Variants in FAM219A observed in about 807,000 individuals in gnomAD.
FAM219A encodes the protein protein FAM219A.
Under a neutral mutation model 23.4 loss-of-function variants are expected in FAM219A, and 7 were observed. The observed-to-expected ratio is 0.30, with a 90% CI of 0.17 to 0.56. The LOEUF (loss-of-function observed/expected upper bound fraction) is 0.56, where lower values mean the gene tolerates loss of function less well. Among genes scored for constraint, FAM219A ranks in the 20% least tolerant of loss-of-function variants. FAM219A has a pLI of 0.92. For synonymous variants in FAM219A, 93 were observed against 99.0 expected, an observed-to-expected ratio of 0.94 and a Z score of 0.36; for missense variants, 166 against 246.9, an observed-to-expected ratio of 0.67 and a Z score of 2.20.
intron 1 of FAM219A, among the ~76,000 whole-genome samples, chr9:34,435,128 A>G (rs1822855580): frequency 1.3e-5 from 2 of 152,096 alleles, no homozygotes; most frequent in Admixed American, 1.3e-4. Context: ...GCCAGTGTTG[A>G]TGATTTTCTG....
intron 1 of FAM219A, among the ~76,000 whole-genome samples, chr9:34,420,422 A>C (rs1822221631): frequency 6.6e-6 from 1 of 152,134 alleles, no homozygotes; most frequent in African/African-American, 2.4e-5. Context: ...AGAGGGTTTA[A>C]AGCAACTACT....
At chr9:34,453,674 G>T (rs1334900822) in intron 1 of FAM219A, among the ~76,000 whole-genome samples, 2 of 152,284 alleles carry the variant, frequency 1.3e-5, no homozygotes, top group East Asian at 3.9e-4. Flanking sequence ...TTTCAGCTGT[G>T]CAGAGACCCT....
chr9:34,443,341 G>C (rs961941078), intron 1 of FAM219A, among the ~76,000 whole-genome samples: 5 of 152,116 alleles, frequency 3.3e-5, no homozygotes, highest in African/African-American at 1.2e-4. Flanking sequence ...ACGTCCCCCA[G>C]CCCAGCCCCA....
chr9:34,444,063 T>G (rs1588070917), intron 1 of FAM219A, among the ~76,000 whole-genome samples: 1 of 152,336 alleles, frequency 6.6e-6, no homozygotes, highest in East Asian at 1.9e-4. Flanking sequence ...TTATCCCCAC[T>G]TGGCCTTTCA....
At chr9:34,433,652 C>T (rs185399856) in intron 1 of FAM219A, among the ~76,000 whole-genome samples, 65 of 152,330 alleles carry the variant, frequency 4.3e-4, no homozygotes, top group Admixed American at 8.5e-4. Flanking sequence ...TCTGGCTGCT[C>T]CTCCAACTGC....
In FAM219A at chr9:34,458,373, C is replaced by G. The variant is rs539902881; in HGVS notation, c.-110G>C. On this transcript the variant is annotated 5_prime_UTR_variant, in exon 1 of 6. Transcript: ENST00000651358. The surrounding 1 kb of genome is among the most constrained non-coding windows in gnomAD (Gnocchi z 6.6). Reference sequence around the variant, plus strand: ...GCGGGTGGTGCAGACTAGGCCTCCCCGGACCACTCGGGCGGGCAGGGGCCG... The same window carrying G: ...GCGGGTGGTGCAGACTAGGCCTCCCGGGACCACTCGGGCGGGCAGGGGCCG... 693 of 731,702 alleles carry G rather than the reference C, an allele frequency of 9.5e-4. 2 individuals carry two copies. In the African/African-American group the frequency reaches 0.011, roughly 12 times the overall value. 45.3% of individuals were successfully genotyped at this position (731,702 alleles called of 1,614,324 possible).
At position 34,458,190 on chromosome 9, in the gene FAM219A, G is replaced by A; in HGVS notation, c.60+14C>T. 3.2e-6 allele frequency: 5 copies of A among 1,576,842 alleles called. No individual in the cohort carries two copies. Among genetic ancestry groups the A allele is most frequent in the African/African-American group, 1.4e-5 (1 of 73,512 alleles). ...CCCCTCCGGCCTTGGCCTGCCCGCCGCCCGCCCCCTCACCAGCGGCTGCAT... is the reference window on the plus strand; with the variant it reads ...CCCCTCCGGCCTTGGCCTGCCCGCCACCCGCCCCCTCACCAGCGGCTGCAT... On this transcript the variant is annotated intron_variant, in intron 1 of 5. Coordinates refer to ENST00000651358, the MANE Select transcript of FAM219A (RefSeq NM_001184940.2). The surrounding 1 kb of genome is among the most constrained non-coding windows in gnomAD (Gnocchi z 6.6).
At position 34,398,562 on chromosome 9, in the gene FAM219A, G is replaced by T; in HGVS notation, c.*2402C>A. Reference sequence around the variant, plus strand: ...CTGCCTCAGTTGGAAGCCCTTGCCTGCCAGGGAACTAGTATGTCCTGTGGG... The same window carrying T: ...CTGCCTCAGTTGGAAGCCCTTGCCTTCCAGGGAACTAGTATGTCCTGTGGG... On this transcript the variant is annotated 3_prime_UTR_variant, in exon 6 of 6. Coordinates refer to ENST00000651358, the MANE Select transcript of FAM219A (RefSeq NM_001184940.2). 1 of 613,632 alleles carries T rather than the reference G, an allele frequency of 1.6e-6. No individual in the cohort carries two copies. The highest frequency in any genetic ancestry group is 2.9e-6 in the Non-Finnish European group (1 of 349,562). The allele number at this position is 613,632 out of a possible 1,614,324, so 38.0% of individuals were successfully genotyped here.
intron 1 of FAM219A, among the ~76,000 whole-genome samples, chr9:34,446,668 C>T (rs1422725512): frequency 6.6e-6 from 1 of 152,216 alleles, no homozygotes; most frequent in Non-Finnish European, 1.5e-5. Flanking sequence ...TGAAGACTAT[C>T]CTCCTTTTCT....
chr9:34,448,922 C>T lies in FAM219A; in HGVS notation c.60+9282G>A, dbSNP rs151249641. ...TACACTGTTTGGGTGACAGGTGCAC[C>T]AAAATCTCAGAAATTACTACCAAAG... On this transcript the variant is annotated intron_variant, in intron 1 of 5. Transcript: ENST00000651358. 1.0e-4 allele frequency among the ~76,000 whole-genome samples: 15 copies of T among 146,904 alleles called. No homozygotes were observed. The East Asian group carries it at 2.8e-3, about 28-fold the overall frequency.
At chr9:34,414,597 A>G (rs1821933972) in intron 1 of FAM219A, among the ~76,000 whole-genome samples, 1 of 152,270 alleles carries the variant, frequency 6.6e-6, no homozygotes, top group Non-Finnish European at 1.5e-5. Context: ...AAGACTTCTT[A>G]TAGGGATAAG....
intron 1 of FAM219A, among the ~76,000 whole-genome samples, chr9:34,408,173 G>A (rs943735332): frequency 5.3e-5 from 8 of 152,350 alleles, no homozygotes; most frequent in South Asian, 2.1e-4. Flanking sequence ...GCTGGGTGCC[G>A]CAGTGCCTGC....
chr9:34,450,427 T>A (rs1421916541), intron 1 of FAM219A, among the ~76,000 whole-genome samples: 1 of 149,538 alleles, frequency 6.7e-6, no homozygotes, highest in Non-Finnish European at 1.5e-5. Context: ...CAATACATCT[T>A]TTTTTTTTTT....
intron 1 of FAM219A, among the ~76,000 whole-genome samples, chr9:34,435,799 G>A (rs1043785048): frequency 6.7e-6 from 1 of 149,806 alleles, no homozygotes; most frequent in Non-Finnish European, 1.5e-5. Context: ...CCTCCCTGAT[G>A]GAGGTTTAGA....
chr9:34,436,422 T>A (rs10972112), intron 1 of FAM219A, among the ~76,000 whole-genome samples: 27,566 of 151,528 alleles, frequency 0.18, 2,722 homozygotes, highest in East Asian at 0.34. Context: ...TAAAAAAAAA[T>A]TTTTGTAGAG....
At chr9:34,428,139 T>C (rs1415319197) in intron 1 of FAM219A, among the ~76,000 whole-genome samples, 1 of 152,160 alleles carries the variant, frequency 6.6e-6, no homozygotes, top group Non-Finnish European at 1.5e-5. Flanking sequence ...TGGAGGGAGA[T>C]AGGAGTGGGG....
chr9:34,423,499 A>T (rs1048620964), intron 1 of FAM219A, among the ~76,000 whole-genome samples: 9 of 152,228 alleles, frequency 5.9e-5, no homozygotes, highest in Non-Finnish European at 1.3e-4. Context: ...ATGTTAGGGG[A>T]CGAAGTGGCA....
At chr9:34,448,718 G>C (rs964289058) in intron 1 of FAM219A, among the ~76,000 whole-genome samples, 39 of 152,072 alleles carry the variant, frequency 2.6e-4, no homozygotes, top group Admixed American at 2.6e-4. Flanking sequence ...TCTACTGCTT[G>C]GCAGAACATA....
At chr9:34,404,709 AAACAACAACAACAAC>A (rs3036359) in intron 2 of FAM219A, among the ~76,000 whole-genome samples, 1 of 150,896 alleles carries the variant, frequency 6.6e-6, no homozygotes, top group Non-Finnish European at 1.5e-5. Flanking sequence ...CTCTGTCTCA[AAACAACAACAACAAC>A]AACAACAACA....
Sources: allele counts gnomAD v4.1 joint callset (sites outside exome capture counted in the v4.1 genomes callset), GRCh38; gene constraint gnomAD v4.1.1; non-coding constraint Gnocchi (gnomAD v3.1); transcripts MANE v1.5; gene names NCBI Gene and HGNC (gene_info 2026-07-23, HGNC 2026-07-21).